PILRA: variants seen among roughly 807,000 people sequenced by gnomAD.
PILRA encodes the protein paired immunoglobulin-like type 2 receptor alpha.
PILRA carries 37 observed loss-of-function variants against 33.1 expected under a neutral mutation model. The observed-to-expected ratio is 1.12, with a 90% CI of 0.86 to 1.47. The LOEUF (loss-of-function observed/expected upper bound fraction) is 1.47. Among genes scored for constraint, PILRA ranks in the 40% most tolerant of loss-of-function variants. PILRA has a pLI of 0.00. For missense variants in PILRA, 312 were observed against 376.2 expected, an observed-to-expected ratio of 0.83 and a Z score of 1.41; for synonymous variants, 146 against 149.9, an observed-to-expected ratio of 0.97 and a Z score of 0.19.
intron 2 of PILRA, among the ~76,000 whole-genome samples, chr7:100,378,868 G>A (rs1467245558): frequency 1.3e-5 from 2 of 151,786 alleles, no homozygotes; most frequent in African/African-American, 4.8e-5. Context: ...CAAGGCGGGT[G>A]GATCACGAGG....
intron 2 of PILRA, among the ~76,000 whole-genome samples, chr7:100,387,313 A>T (rs1791276026): frequency 6.6e-6 from 1 of 152,176 alleles, no homozygotes; most frequent in South Asian, 2.1e-4. Flanking sequence ...TCCCAGGTTC[A>T]AGTGATTATC....
At chr7:100,382,024 G>A (rs1471109577) in intron 2 of PILRA, among the ~76,000 whole-genome samples, 1 of 12,140 alleles carries the variant, frequency 8.2e-5, no homozygotes, top group East Asian at 2.4e-3. Flanking sequence ...CCCCACCCCC[G>A]TAGGCTCCAG....
At chr7:100,382,736 A>G (rs958635915) in intron 2 of PILRA, among the ~76,000 whole-genome samples, 1 of 152,118 alleles carries the variant, frequency 6.6e-6, no homozygotes, top group South Asian at 2.1e-4. Context: ...TTTTTGCACT[A>G]AGTCTTGCTG....
intron 2 of PILRA, 62 bp from the exon 3 acceptor site, chr7:100,389,826 C>T: frequency 7.1e-7 from 1 of 1,401,014 alleles, no homozygotes; most frequent in Non-Finnish European, 1.0e-6. Context: ...GCACACCACG[C>T]CTTTCACCCA....
At position 100,399,271 on chromosome 7, in the gene PILRA, G is replaced by GT. The variant is rs764653124; in HGVS notation, c.708-19dup. 1.5e-5 allele frequency: 24 copies of GT among 1,595,684 alleles called. No homozygotes were observed. Among genetic ancestry groups the GT allele is most frequent in the Non-Finnish European group, 2.1e-5 (24 of 1,165,390 alleles). On this transcript the variant is annotated intron_variant, in intron 4 of 6. Coordinates refer to ENST00000198536, the MANE Select transcript of PILRA (RefSeq NM_013439.3). ...ATGCCCAACCTCTAACATATTTCCT[G>GT]TCCTCTTGTTCCCATACAGGGAACC...
At position 100,397,867 on chromosome 7, in the gene PILRA, G is replaced by T; in HGVS notation, c.674-12G>T. The T allele has an allele frequency of 6.2e-7, 1 of 1,613,452 alleles. No individual in the cohort carries two copies. The highest frequency in any genetic ancestry group is 1.3e-5 in the African/African-American group (1 of 74,990). ...CGGATGCCACCCTGACTCACTGTTG[G>T]TCCCCCTACAGGTCAGCAGCGGACT... On this transcript the variant is annotated splice_polypyrimidine_tract_variant and intron_variant, in intron 3 of 6. Transcript: ENST00000198536.
intron 2 of PILRA, among the ~76,000 whole-genome samples, chr7:100,384,319 G>T (rs887613801): frequency 4.0e-5 from 6 of 151,144 alleles, no homozygotes; most frequent in African/African-American, 1.5e-4. Flanking sequence ...GTGTGAACAG[G>T]TAGATCTCTG....
At position 100,389,994 on chromosome 7, in the gene PILRA, A is replaced by T; in HGVS notation, c.561A>T (p.Ser187=). ...GLRVTQGKRR[S]DSWHISLETA... is the part of the protein sequence containing the mutation. The stretch of plus-strand genomic sequence containing the variant: ...GGGTCACACAGGGCAAACGACGCTC[A>T]GACTCTTGGCACATAAGTCTGGAGA... The change falls in exon 3 of 7, where the codon TCA becomes TCT. Residue 187 remains serine, a synonymous_variant. Coordinates refer to ENST00000198536, the MANE Select transcript of PILRA (RefSeq NM_013439.3). 1.2e-6 allele frequency: 2 copies of T among 1,614,128 alleles called. No homozygotes were observed. The highest frequency in any genetic ancestry group is 1.7e-6 in the Non-Finnish European group (2 of 1,180,010).
intron 2 of PILRA, among the ~76,000 whole-genome samples, chr7:100,384,409 T>C (rs1456120129): frequency 2.9e-5 from 4 of 138,428 alleles, no homozygotes; most frequent in South Asian, 2.3e-4. Context: ...ACCCCGTCTC[T>C]ACCAAAAAAA....
chr7:100,375,669 T>C (rs1213939771), intron 2 of PILRA, among the ~76,000 whole-genome samples: 1 of 151,580 alleles, frequency 6.6e-6, no homozygotes, highest in Non-Finnish European at 1.5e-5. Context: ...GAGGTGGAGG[T>C]TGAGGTGAGC....
chr7:100,374,327 G>A lies in PILRA; in HGVS notation c.348G>A (p.Gln116=), dbSNP rs1790895258. 6.2e-7 allele frequency: 1 copy of A among 1,614,024 alleles called. No individual in the cohort carries two copies. The highest frequency in any genetic ancestry group is 1.7e-5 in the Admixed American group (1 of 59,996). ...GCTTCCTCAGGATCTCCAACCTGCA[G>A]AAGCAGGACCAGTCTGTGTATTTCT... ...KSGFLRISNL[Q]KQDQSVYFCR... The change falls in exon 2 of 7, where the codon CAG becomes CAA. Residue 116 remains glutamine, a synonymous_variant. Transcript: ENST00000198536.
intron 2 of PILRA, among the ~76,000 whole-genome samples, chr7:100,380,365 T>C (rs909480474): frequency 2.0e-5 from 3 of 152,166 alleles, no homozygotes; most frequent in African/African-American, 7.2e-5. Flanking sequence ...AGAATAAAAC[T>C]TTAAAATACT....
At chr7:100,386,916 A>G (rs1483648827) in intron 2 of PILRA, among the ~76,000 whole-genome samples, 2 of 152,198 alleles carry the variant, frequency 1.3e-5, no homozygotes, top group East Asian at 3.9e-4. Context: ...TTCAAATTGC[A>G]TAGTTTTCCA....
chr7:100,373,376 C>T, upstream of PILRA: 1 of 570,578 alleles, frequency 1.8e-6, no homozygotes, highest in Non-Finnish European at 3.1e-6. Context: ...AGCCCCTCGG[C>T]AGGAGGACGG....
chr7:100,387,616 G>A (rs939816315), intron 2 of PILRA, among the ~76,000 whole-genome samples: 5 of 152,146 alleles, frequency 3.3e-5, no homozygotes, highest in African/African-American at 1.2e-4. Context: ...TGAGGTGGGA[G>A]GATCACTTGA....
chr7:100,393,947 G>A (rs897950787), intron 3 of PILRA, among the ~76,000 whole-genome samples: 1 of 151,920 alleles, frequency 6.6e-6, no homozygotes, highest in African/African-American at 2.4e-5. Context: ...CCGCCCCTCC[G>A]ACCCAGTTTA....
At position 100,373,569 on chromosome 7, in the gene PILRA, C is replaced by G; in HGVS notation, c.-88C>G. 6.7e-7 allele frequency: 1 copy of G among 1,498,170 alleles called. No individual in the cohort carries two copies. The highest frequency in any genetic ancestry group is 9.3e-7 in the Non-Finnish European group (1 of 1,080,986). The allele number at this position is 1,498,170 out of a possible 1,614,324, so 92.8% of individuals were successfully genotyped here. A position where few individuals can be genotyped will look rare whatever the true frequency, so the allele number is the denominator to read the frequency against. ...CCTGAGCCCGGCTCTCCTCACTCAC[C>G]TCAACCCCCAGGCGGCCCCTCCACA... On this transcript the variant is annotated 5_prime_UTR_variant, in exon 1 of 7. Transcript: ENST00000198536.
chr7:100,381,623 T>C (rs1158495156), intron 2 of PILRA, among the ~76,000 whole-genome samples: 1 of 152,230 alleles, frequency 6.6e-6, no homozygotes, highest in Non-Finnish European at 1.5e-5. Flanking sequence ...GTGCCCACTC[T>C]GGCCGCACTT....
intron 2 of PILRA, among the ~76,000 whole-genome samples, chr7:100,387,085 C>T (rs762679288): frequency 9.2e-5 from 14 of 152,180 alleles, no homozygotes; most frequent in Admixed American, 2.6e-4. Context: ...AACTCATTTA[C>T]GCCAGAGGCT....
Sources: allele counts gnomAD v4.1 joint callset (sites outside exome capture counted in the v4.1 genomes callset), GRCh38; gene constraint gnomAD v4.1.1; transcripts MANE v1.5; gene names NCBI Gene and HGNC (gene_info 2026-07-23, HGNC 2026-07-21).